The following TRPM7 variants were observed in gnomAD, a reference collection of about 807,000 sequenced individuals.
The protein encoded by TRPM7 is LTRPC ion channel family member 7.
TRPM7 carries 134 observed loss-of-function variants against 229.7 expected under a neutral mutation model. The observed-to-expected ratio is 0.58, with a 90% confidence interval of 0.51 to 0.67. The LOEUF (loss-of-function observed/expected upper bound fraction) is 0.67, where lower values mean the gene tolerates loss of function less well. Ranked by LOEUF, TRPM7 falls within the 30% of genes least tolerant of loss-of-function variation. TRPM7 has a pLI of 0.00. For missense variants in TRPM7, 1,901 were observed against 2,210.0 expected, an observed-to-expected ratio of 0.86 and a Z score of 2.80; for synonymous variants, 699 against 715.2, an observed-to-expected ratio of 0.98 and a Z score of 0.36.
At chr15:50,585,054 T>A (rs1375218592) in intron 28 of TRPM7, among the ~76,000 whole-genome samples, 2 of 137,810 alleles carry the variant, frequency 1.5e-5, no homozygotes, top group African/African-American at 5.6e-5. Context: ...TTTTGTATTT[T>A]TTTTTTTTTT....
chr15:50,589,476 AATG>A, intron 27 of TRPM7, 113 bp downstream of exon 27: 1 of 683,358 alleles, frequency 1.5e-6, no homozygotes, highest in Non-Finnish European at 2.5e-6. Context: ...TCAGCATGTT[AATG>A]ATATCTGCTA....
intron 10 of TRPM7, among the ~76,000 whole-genome samples, chr15:50,631,152 AC>A (rs1319527739): frequency 6.6e-6 from 1 of 152,138 alleles, no homozygotes; most frequent in African/African-American, 2.4e-5. Flanking sequence ...TCTTAATAGG[AC>A]TATTAAATAG....
chr15:50,622,396 T>C (rs1441857922), intron 12 of TRPM7, among the ~76,000 whole-genome samples: 3 of 152,356 alleles, frequency 2.0e-5, no homozygotes, highest in Non-Finnish European at 2.9e-5. Context: ...CTTAACACCT[T>C]TGAGTCATAC....
At chr15:50,592,993 G>GA (rs1297725404) in intron 25 of TRPM7, among the ~76,000 whole-genome samples, 2 of 152,122 alleles carry the variant, frequency 1.3e-5, no homozygotes, top group East Asian at 3.9e-4. Flanking sequence ...GAAGCCAACA[G>GA]AAAAAAAGAA....
Position 50,643,547 on chromosome 15 carries a change from T to G in TRPM7, c.328A>C (p.Arg110=), listed in dbSNP as rs1488377734. Residue 110 remains arginine (R), a synonymous_variant, in exon 5 of 39, where the codon AGG becomes CGG. Coordinates refer to ENST00000646667, the MANE Select transcript of TRPM7 (RefSeq NM_017672.6). Reference sequence around the variant, plus strand: ...TCAGGTTTGGTGTCATATGATAGCCTCACATACTAGAAAAAGATTTTAAAA... The same window carrying G: ...TCAGGTTTGGTGTCATATGATAGCCGCACATACTAGAAAAAGATTTTAAAA... ...GSHSYRAKYV[R]LSYDTKPEVI... 6.2e-7 allele frequency: 1 copy of G among 1,612,466 alleles called. No individual in the cohort carries two copies. The highest frequency in any genetic ancestry group is 8.5e-7 in the Non-Finnish European group (1 of 1,178,936).
rs1252482778 is a variant in TRPM7, at chr15:50,682,555, G to A, written c.3+3976C>T. ...CGCACCATTGCACTCCAGCCTGGGCGACAAGAGGGAAACTCCATCTCAAAA... is the reference window on the plus strand; with the variant it reads ...CGCACCATTGCACTCCAGCCTGGGCAACAAGAGGGAAACTCCATCTCAAAA... On this transcript the variant is annotated intron_variant, in intron 1 of 38. Transcript: ENST00000646667. 6.8e-5 allele frequency among the ~76,000 whole-genome samples: 10 copies of A among 146,810 alleles called. No individual in the cohort carries two copies. In the East Asian group the frequency reaches 1.8e-3, roughly 26 times the overall value.
At chr15:50,605,292 C>G in intron 20 of TRPM7, 148 bp from the exon 21 acceptor site, 2 of 732,790 alleles carry the variant, frequency 2.7e-6, no homozygotes, top group Non-Finnish European at 2.1e-6. Flanking sequence ...GCTCTATTGC[C>G]CAGGGTGGAG....
At position 50,611,287 on chromosome 15, in the gene TRPM7, G is replaced by A; in HGVS notation, c.2086C>T (p.Gln696Ter). Residue 696 changes from glutamine (Q) to a stop codon, truncating the protein, a stop_gained, in exon 17 of 39, where the codon CAG (glutamine) becomes TAG (stop). Transcript: ENST00000646667. LOFTEE classifies it high-confidence loss of function. The part of the protein sequence containing the change: ...FGQLAVELLE[Q>*]SFRQDETMAM... ...ATGGTTTCATCTTGTCTGAAGGACT[G>A]TTCTAATAATTCAACGGCCAACTGA... 1 of 1,613,712 alleles carries A rather than the reference G, an allele frequency of 6.2e-7. No individual in the cohort carries two copies. Among genetic ancestry groups the A allele is most frequent in the Non-Finnish European group, 8.5e-7 (1 of 1,179,832 alleles).
intron 38 of TRPM7, among the ~76,000 whole-genome samples, chr15:50,566,686 C>T (rs554007446): frequency 6.6e-6 from 1 of 152,118 alleles, no homozygotes; most frequent in Admixed American, 6.5e-5. Flanking sequence ...CAGAGTGAGA[C>T]TCCATCTCAA....
chr15:50,612,118 T>C (rs370092274), intron 16 of TRPM7, among the ~76,000 whole-genome samples: 4 of 152,156 alleles, frequency 2.6e-5, no homozygotes, highest in African/African-American at 9.7e-5. Flanking sequence ...CGAGACAGGG[T>C]CTATTGCTGT....
At chr15:50,578,277 G>C (rs902862621) in intron 31 of TRPM7, among the ~76,000 whole-genome samples, 15 of 152,224 alleles carry the variant, frequency 9.9e-5, no homozygotes, top group African/African-American at 3.6e-4. Flanking sequence ...TTAGAGACAT[G>C]TAGGAAGTAA....
chr15:50,599,043 T>C lies in TRPM7; in HGVS notation c.3163+79A>G, dbSNP rs190587658. The C allele has an allele frequency of 1.4e-5, 15 of 1,089,676 alleles. No homozygotes were observed. The Admixed American group carries it at 1.4e-4, about 10-fold the overall frequency. 67.5% of individuals were successfully genotyped at this position (1,089,676 alleles called of 1,614,324 possible). ...GGTAATAGTTTGACTTCTGAAAATA[T>C]GCAATATTACTATAATTCAATATTG... On this transcript the variant is annotated intron_variant, in intron 22 of 38. Transcript: ENST00000646667.
intron 36 of TRPM7, among the ~76,000 whole-genome samples, chr15:50,571,208 A>G (rs902611469): frequency 2.0e-5 from 3 of 152,260 alleles, no homozygotes; most frequent in Admixed American, 6.5e-5. Context: ...ATCCAACAGA[A>G]TGGCAAACAT....
In TRPM7 at chr15:50,560,012, C is replaced by CAAAAA. The variant is rs34461633; in HGVS notation, c.*1661_*1665dup. On this transcript the variant is annotated 3_prime_UTR_variant, in exon 39 of 39. Coordinates refer to ENST00000646667, the MANE Select transcript of TRPM7 (RefSeq NM_017672.6). The stretch of plus-strand genomic sequence containing the variant: ...CAAGCAACAGAGCGAGACTCCGTCT[C>CAAAAA]AAAAAAAAAAAAAAAAAAAAAAGTA... 2.6e-4 allele frequency: 21 copies of CAAAAA among 79,814 alleles called. No individual in the cohort carries two copies. Among genetic ancestry groups the CAAAAA allele is most frequent in the South Asian group, 4.3e-4 (1 of 2,340 alleles). The allele number at this position is 79,814 out of a possible 1,614,324, so 4.9% of individuals were successfully genotyped here. A position where few individuals can be genotyped will look rare whatever the true frequency, so the allele number is the denominator to read the frequency against.
chr15:50,636,664 A>G (rs1158684927), intron 7 of TRPM7, among the ~76,000 whole-genome samples: 2 of 152,212 alleles, frequency 1.3e-5, no homozygotes, highest in East Asian at 1.9e-4. Context: ...AAATTCAGAC[A>G]TGGTTGGAAA....
intron 4 of TRPM7, among the ~76,000 whole-genome samples, chr15:50,645,388 C>G (rs1235296848): frequency 6.6e-6 from 1 of 151,554 alleles, no homozygotes; most frequent in Non-Finnish European, 1.5e-5. Flanking sequence ...TTGACAAAGT[C>G]CCGCTCTGTC....
intron 1 of TRPM7, among the ~76,000 whole-genome samples, chr15:50,672,238 A>G (rs773412982): frequency 5.3e-5 from 8 of 152,048 alleles, no homozygotes; most frequent in Non-Finnish European, 1.0e-4. Context: ...TATTTTTAGT[A>G]GAGACATTTT....
chr15:50,682,189 AAAG>A (rs1030735224), intron 1 of TRPM7, among the ~76,000 whole-genome samples: 6 of 148,832 alleles, frequency 4.0e-5, no homozygotes, highest in Non-Finnish European at 9.0e-5. Flanking sequence ...AAAAAAAAAA[AAAG>A]GACTGTGACC....
chr15:50,618,443 G>A (rs2060291360), intron 13 of TRPM7, among the ~76,000 whole-genome samples: 2 of 151,984 alleles, frequency 1.3e-5, no homozygotes, highest in African/African-American at 4.8e-5. Context: ...GGTGGCAGGT[G>A]CCTGTAGTCC....
Sources: allele counts gnomAD v4.1 joint callset (sites outside exome capture counted in the v4.1 genomes callset), GRCh38; gene constraint gnomAD v4.1.1; transcripts MANE v1.5; gene names NCBI Gene and HGNC (gene_info 2026-07-23, HGNC 2026-07-21).